LRRC4C: variants seen among roughly 807,000 people sequenced by gnomAD.
LRRC4C encodes the protein leucine-rich repeat-containing protein 4C.
A neutral mutation model predicts 33.6 loss-of-function variants in LRRC4C; 5 were observed. The observed-to-expected ratio is 0.15, with a 90% CI of 0.08 to 0.31. The LOEUF is 0.31. Among genes scored for constraint, LRRC4C ranks in the 10% least tolerant of loss-of-function variants. The probability of loss-of-function intolerance (pLI) is 1.00; values close to 1 mark genes in which losing one functional copy is unlikely to be tolerated. For missense variants in LRRC4C, 560 were observed against 796.7 expected, an observed-to-expected ratio of 0.70 and a Z score of 3.58; for synonymous variants, 329 against 302.0, an observed-to-expected ratio of 1.09 and a Z score of -0.93.
chr11:41,010,974 T>G (rs207471822), intron 1 of LRRC4C, among the ~76,000 whole-genome samples: 3 of 152,154 alleles, frequency 2.0e-5, no homozygotes, highest in Non-Finnish European at 4.4e-5. Flanking sequence ...AATGGACAAT[T>G]AGAAGTCTAA....
At chr11:40,410,262 TTATAA>T (rs1014575128) in intron 3 of LRRC4C, among the ~76,000 whole-genome samples, 3 of 152,094 alleles carry the variant, frequency 2.0e-5, no homozygotes, top group Admixed American at 1.3e-4. Flanking sequence ...AGGAAAACCA[TTATAA>T]TATATCTTAC....
At chr11:41,284,509 T>A (rs936429843) in intron 1 of LRRC4C, among the ~76,000 whole-genome samples, 5 of 152,136 alleles carry the variant, frequency 3.3e-5, no homozygotes, top group African/African-American at 1.2e-4. Flanking sequence ...CCCAAGCTCA[T>A]CCCATTACAC....
At chr11:40,357,714 A>T (rs937030006) in intron 3 of LRRC4C, among the ~76,000 whole-genome samples, 6 of 152,126 alleles carry the variant, frequency 3.9e-5, no homozygotes, top group Non-Finnish European at 8.8e-5. Flanking sequence ...TCATGGAGGT[A>T]TATTCAAAAG....
At chr11:40,300,416 A>G (rs1385416714) in intron 4 of LRRC4C, among the ~76,000 whole-genome samples, 1 of 152,248 alleles carries the variant, frequency 6.6e-6, no homozygotes, top group Admixed American at 6.5e-5. Context: ...ACGCATTCTA[A>G]GAAAAAATAA....
chr11:40,795,706 T>C (rs1052815250), intron 2 of LRRC4C, among the ~76,000 whole-genome samples: 1 of 152,212 alleles, frequency 6.6e-6, no homozygotes, highest in Admixed American at 6.5e-5. Context: ...TTTGAGGTAG[T>C]ATTAATAATA....
At chr11:41,364,306 T>A (rs1384583310) in intron 1 of LRRC4C, among the ~76,000 whole-genome samples, 3 of 152,094 alleles carry the variant, frequency 2.0e-5, no homozygotes, top group African/African-American at 7.2e-5. Context: ...TGAGATGGAG[T>A]CTTGATCTGC....
chr11:41,320,687 C>T (rs1950931755), intron 1 of LRRC4C, among the ~76,000 whole-genome samples: 1 of 152,194 alleles, frequency 6.6e-6, no homozygotes, highest in South Asian at 2.1e-4. Context: ...AAAACACACT[C>T]ATTTATTACC....
At chr11:40,243,520 C>A (rs752808033) in intron 4 of LRRC4C, among the ~76,000 whole-genome samples, 1 of 151,970 alleles carries the variant, frequency 6.6e-6, no homozygotes, top group Non-Finnish European at 1.5e-5. Context: ...AGTTAGAATT[C>A]GTGACTCATT....
intron 1 of LRRC4C, among the ~76,000 whole-genome samples, chr11:41,341,724 G>GA (rs1265007642): frequency 6.6e-6 from 1 of 152,108 alleles, no homozygotes; most frequent in Non-Finnish European, 1.5e-5. Flanking sequence ...GCATTTCAGT[G>GA]AAAAAATACA....
At chr11:40,827,781 C>T (rs1024374115) in intron 2 of LRRC4C, among the ~76,000 whole-genome samples, 5 of 151,622 alleles carry the variant, frequency 3.3e-5, no homozygotes, top group Admixed American at 6.6e-5. Flanking sequence ...CATTAATTCT[C>T]CCAGTTCCAG....
intron 3 of LRRC4C, among the ~76,000 whole-genome samples, chr11:40,361,667 C>T (rs1565313357): frequency 6.6e-6 from 1 of 152,092 alleles, no homozygotes; most frequent in African/African-American, 2.4e-5. Flanking sequence ...TTAAAATGGC[C>T]ATACTGCCCA....
chr11:41,283,547 A>T (rs1368736436), intron 1 of LRRC4C, among the ~76,000 whole-genome samples: 1 of 152,236 alleles, frequency 6.6e-6, no homozygotes, highest in Non-Finnish European at 1.5e-5. Context: ...ACCTGTGAAA[A>T]TTGTATCAGA....
intron 5 of LRRC4C, among the ~76,000 whole-genome samples, chr11:40,174,460 A>G (rs1319887971): frequency 6.6e-6 from 1 of 152,172 alleles, no homozygotes; most frequent in Non-Finnish European, 1.5e-5. Context: ...CCTTCTTAAA[A>G]TTATCACTCA....
At position 40,582,756 on chromosome 11, in the gene LRRC4C, A is replaced by G. The variant is rs12287085; in HGVS notation, c.-270+65386T>C. On this transcript the variant is annotated intron_variant, in intron 3 of 6. Transcript: ENST00000528697. ...GGTCTCGAACTCCTAACCTCAGGTG[A>G]TCCACCCACCTCGGCCTCCCAAAGT... Among the ~76,000 whole-genome samples, 960 of 152,154 alleles carry G rather than the reference A, an allele frequency of 6.3e-3. 15 individuals are homozygous for G. Among genetic ancestry groups the G allele is most frequent in the African/African-American group, 0.022 (922 of 41,502 alleles).
rs11824637 is a variant in LRRC4C, at chr11:40,733,777, C to T, written c.-406-85499G>A. Among the ~76,000 whole-genome samples the T allele has an allele frequency of 1.7e-3, 261 of 152,232 alleles. 1 individual carries two copies. The highest frequency in any genetic ancestry group is 6.1e-3 in the African/African-American group (254 of 41,536). ...TAGTTACAGAAAAGTTACTACCTGG[C>T]CCCTTCAAATACCCATTACTCATTC... On this transcript the variant is annotated intron_variant, in intron 2 of 6. Transcript: ENST00000528697.
chr11:41,443,323 C>T (rs115974931), intron 1 of LRRC4C, among the ~76,000 whole-genome samples: 1,965 of 151,958 alleles, frequency 0.013, 48 homozygotes, highest in African/African-American at 0.045. Flanking sequence ...GCCTGGGCAA[C>T]GCAGCGCAAC....
chr11:41,395,831 T>C (rs928736117), intron 1 of LRRC4C, among the ~76,000 whole-genome samples: 3 of 152,000 alleles, frequency 2.0e-5, no homozygotes, highest in Non-Finnish European at 4.4e-5. Flanking sequence ...CAAAGACTCA[T>C]TAAATACCAA....
At chr11:41,332,013 A>G (rs370036912) in intron 1 of LRRC4C, among the ~76,000 whole-genome samples, 24 of 152,294 alleles carry the variant, frequency 1.6e-4, no homozygotes, top group Admixed American at 1.2e-3. Context: ...TTAACCTTAT[A>G]TGTATTTGTT....
intron 4 of LRRC4C, among the ~76,000 whole-genome samples, chr11:40,272,227 T>G (rs1942760414): frequency 6.6e-6 from 1 of 152,164 alleles, no homozygotes; most frequent in Non-Finnish European, 1.5e-5. Context: ...GTTAACATTT[T>G]TCTCCATTGG....
Sources: allele counts gnomAD v4.1 joint callset (sites outside exome capture counted in the v4.1 genomes callset), GRCh38; gene constraint gnomAD v4.1.1; transcripts MANE v1.5; gene names NCBI Gene and HGNC (gene_info 2026-07-23, HGNC 2026-07-21).